Variants in EXOC4 observed in about 807,000 individuals in gnomAD.
The protein encoded by EXOC4 is SEC8-like 1.
In EXOC4, 71 loss-of-function variants were observed where a neutral mutation model predicts 107.2. That is an observed-to-expected ratio of 0.66 (90% CI 0.55 to 0.81). The LOEUF is 0.81. Among genes scored for constraint, EXOC4 ranks in the 30% least tolerant of loss-of-function variants. EXOC4 has a pLI of 0.00. For missense variants in EXOC4, 1,108 were observed against 1,189.6 expected (o/e 0.93, Z 1.01); for synonymous variants, 456 against 441.2 (o/e 1.03, Z -0.42).
intron 1 of EXOC4, chr7:133,253,659 C>T (rs1237138564): frequency 3.4e-6 from 1 of 296,146 alleles, no homozygotes; most frequent in Non-Finnish European, 5.0e-6. Flanking sequence ...CTTTCAACCA[C>T]CTGTGCGTGG....
the EXOC4 span, among the ~76,000 whole-genome samples, chr7:134,075,248 T>C: frequency 6.6e-6 from 1 of 152,204 alleles, no homozygotes; most frequent in African/African-American, 2.4e-5. Flanking sequence ...TATAAGTGCA[T>C]TATATGAAAT....
At chr7:133,509,765 A>G (rs1434972674) in intron 9 of EXOC4, among the ~76,000 whole-genome samples, 2 of 152,194 alleles carry the variant, frequency 1.3e-5, no homozygotes, top group Non-Finnish European at 2.9e-5. Context: ...CTTGCCATTT[A>G]TGTTGAAGAT....
rs140339598 is a variant in EXOC4, at chr7:133,926,788, T to C, written c.2027+9050T>C. ...GACATTTTGTAGCTATTTTTACTTA[T>C]TGAGTTATTTAGAAAATAACTTCTT... is the stretch of plus-strand genomic sequence containing the variant. On this transcript the variant is annotated intron_variant, in intron 13 of 17. Transcript: ENST00000253861. Among the ~76,000 whole-genome samples, 366 of 152,328 alleles carry C rather than the reference T, an allele frequency of 2.4e-3. 5 individuals carry two copies. Among genetic ancestry groups the C allele is most frequent in the African/African-American group, 8.2e-3 (341 of 41,566 alleles).
intron 10 of EXOC4, among the ~76,000 whole-genome samples, chr7:133,691,386 G>T (rs1794415301): frequency 6.6e-6 from 1 of 152,106 alleles, no homozygotes; most frequent in Admixed American, 6.5e-5. Context: ...AGAATTATCT[G>T]TTCCTGGGAA....
At chr7:133,266,453 G>A (rs143970615) in intron 1 of EXOC4, among the ~76,000 whole-genome samples, 1 of 152,342 alleles carries the variant, frequency 6.6e-6, no homozygotes, top group East Asian at 1.9e-4. Flanking sequence ...TGCTTCTAGA[G>A]TGAGAATCTC....
chr7:133,781,730 G>A (rs1272770368), intron 10 of EXOC4, among the ~76,000 whole-genome samples: 1 of 152,158 alleles, frequency 6.6e-6, no homozygotes, highest in African/African-American at 2.4e-5. Flanking sequence ...CCCATGCGAG[G>A]CTCAGCAGTG....
At chr7:134,031,659 A>G (rs1795273756) in intron 17 of EXOC4, among the ~76,000 whole-genome samples, 1 of 152,220 alleles carries the variant, frequency 6.6e-6, no homozygotes, top group African/African-American at 2.4e-5. Context: ...TGCTTATGCT[A>G]GAAAAGGAAC....
chr7:133,389,834 C>T (rs1281067586), intron 7 of EXOC4, among the ~76,000 whole-genome samples: 23 of 150,668 alleles, frequency 1.5e-4, no homozygotes, highest in Non-Finnish European at 1.0e-4. Flanking sequence ...GCTGGGCAGC[C>T]TCACAATCAT....
At chr7:134,015,673 G>A (rs571584860) in intron 17 of EXOC4, among the ~76,000 whole-genome samples, 15 of 152,062 alleles carry the variant, frequency 9.9e-5, no homozygotes, top group East Asian at 7.8e-4. Context: ...TCAGGAGATC[G>A]AGACCATCTT....
At chr7:133,628,493 C>G (rs1240463921) in intron 9 of EXOC4, among the ~76,000 whole-genome samples, 1 of 152,138 alleles carries the variant, frequency 6.6e-6, no homozygotes, top group Non-Finnish European at 1.5e-5. Context: ...ATCAGTCAGG[C>G]GTTATATCAC....
chr7:133,732,224 G>T (rs1795343390), intron 10 of EXOC4, among the ~76,000 whole-genome samples: 2 of 152,160 alleles, frequency 1.3e-5, no homozygotes, highest in Admixed American at 1.3e-4. Flanking sequence ...TCACTTACAA[G>T]TGGGAGTTAA....
chr7:133,352,349 AG>A (rs1045014994), intron 5 of EXOC4, among the ~76,000 whole-genome samples: 2 of 152,114 alleles, frequency 1.3e-5, no homozygotes, highest in African/African-American at 4.8e-5. Flanking sequence ...GATAGTCATT[AG>A]GTGTATAAAT....
At chr7:133,688,252 G>A (rs1794348140) in intron 10 of EXOC4, among the ~76,000 whole-genome samples, 1 of 152,060 alleles carries the variant, frequency 6.6e-6, no homozygotes, top group African/African-American at 2.4e-5. Context: ...TCTCTGTGTA[G>A]GCACACAGTG....
intron 13 of EXOC4, among the ~76,000 whole-genome samples, chr7:133,932,499 T>G (rs1800201298): frequency 6.6e-6 from 1 of 152,230 alleles, no homozygotes; most frequent in African/African-American, 2.4e-5. Flanking sequence ...TGAATGCATA[T>G]GTACCATATA....
At chr7:133,765,163 G>A (rs10954432) in intron 10 of EXOC4, among the ~76,000 whole-genome samples, 134,759 of 152,016 alleles carry the variant, frequency 0.89, 59,913 homozygotes, top group East Asian at 0.99. Context: ...TTTCTGTAAA[G>A]TAAGCATACC....
chr7:133,756,867 G>T (rs542690398), intron 10 of EXOC4, among the ~76,000 whole-genome samples: 1 of 152,174 alleles, frequency 6.6e-6, no homozygotes, highest in Non-Finnish European at 1.5e-5. Flanking sequence ...AATATATCTG[G>T]ATCTGATCTG....
Position 133,817,490 on chromosome 7 carries a change from T to C in EXOC4, c.1680T>C (p.Ile560=). 3 of 1,614,174 alleles carry C rather than the reference T, an allele frequency of 1.9e-6. No individual in the cohort carries two copies. The highest frequency in any genetic ancestry group is 2.5e-6 in the Non-Finnish European group (3 of 1,180,024). Reference sequence around the variant, plus strand: ...CTAAAACATCTGACCCTTTGAAGATTCTGGCCAACGCAGACACCATGAAGG... The same window carrying C: ...CTAAAACATCTGACCCTTTGAAGATCCTGGCCAACGCAGACACCATGAAGG... The part of the protein sequence containing the change: ...GVTKTSDPLK[I]LANADTMKVL... The change falls in exon 11 of 18, where the codon ATT becomes ATC. Residue 560 remains isoleucine (I), a synonymous_variant. Transcript: ENST00000253861.
At chr7:133,755,271 T>C (rs1795884995) in intron 10 of EXOC4, among the ~76,000 whole-genome samples, 2 of 102,530 alleles carry the variant, frequency 2.0e-5, no homozygotes, top group African/African-American at 4.1e-5. Context: ...ATATTATATA[T>C]ATTATATATA....
intron 10 of EXOC4, among the ~76,000 whole-genome samples, chr7:133,699,842 G>A (rs535583131): frequency 3.2e-4 from 49 of 152,200 alleles, no homozygotes; most frequent in African/African-American, 1.2e-3. Context: ...TTGATTTAAT[G>A]AATAAAATTT....
Sources: allele counts gnomAD v4.1 joint callset (sites outside exome capture counted in the v4.1 genomes callset), GRCh38; gene constraint gnomAD v4.1.1; transcripts MANE v1.5; gene names NCBI Gene and HGNC (gene_info 2026-07-23, HGNC 2026-07-21).